Variants in SYCP2L observed in about 807,000 individuals in gnomAD.
SYCP2L encodes the protein synaptonemal complex protein 2-like.
In SYCP2L, 98 loss-of-function variants were observed where a neutral mutation model predicts 125.8. The observed-to-expected ratio is 0.78, with a 90% CI of 0.66 to 0.92. The LOEUF is 0.92. Ranked by LOEUF, SYCP2L falls within the 40% of genes least tolerant of loss-of-function variation. The pLI, the probability that SYCP2L is intolerant of heterozygous loss-of-function variation, is 0.00. For missense variants in SYCP2L, 842 were observed against 936.4 expected, an observed-to-expected ratio of 0.90 and a Z score of 1.32; for synonymous variants, 317 against 325.4, an observed-to-expected ratio of 0.97 and a Z score of 0.28.
chr6:10,910,396 T>A (rs919820695), intron 11 of SYCP2L, among the ~76,000 whole-genome samples, 196 bp downstream of exon 11: 4 of 152,224 alleles, frequency 2.6e-5, no homozygotes, highest in Non-Finnish European at 5.9e-5. Context: ...CGAGTGTGTT[T>A]AAAAATTACC....
In SYCP2L at chr6:10,927,884, G is replaced by A. The variant is rs186418008; in HGVS notation, c.1440+517G>A. 7.9e-4 allele frequency among the ~76,000 whole-genome samples: 120 copies of A among 152,182 alleles called. 1 individual carries two copies. The highest frequency in any genetic ancestry group is 2.7e-3 in the African/African-American group (111 of 41,522). Reference sequence around the variant, plus strand: ...GGCCATTTTAGAGGCCCACCCTCAGGGGCGCATTCTCTTTCTCAGGTATGT... The same window carrying A: ...GGCCATTTTAGAGGCCCACCCTCAGAGGCGCATTCTCTTTCTCAGGTATGT... On this transcript the variant is annotated intron_variant, in intron 17 of 29. Transcript: ENST00000283141.
chr6:10,903,085 T>C, intron 8 of SYCP2L, 122 bp downstream of exon 8: 1 of 791,936 alleles, frequency 1.3e-6, no homozygotes, highest in Admixed American at 2.4e-5. Flanking sequence ...AAATGCTTTG[T>C]GCACCTATTA....
intron 21 of SYCP2L, among the ~76,000 whole-genome samples, chr6:10,939,300 C>A (rs1182944672): frequency 6.6e-6 from 1 of 152,080 alleles, no homozygotes; most frequent in African/African-American, 2.4e-5. Context: ...TCCTTATTAT[C>A]CAAAGCAATA....
intron 15 of SYCP2L, 146 bp from the exon 16 acceptor site, chr6:10,926,193 A>G (rs1031696650): frequency 9.9e-6 from 6 of 608,158 alleles, no homozygotes; most frequent in African/African-American, 9.3e-5. Flanking sequence ...AAACAGTGGA[A>G]TGATCCTTCA....
chr6:10,910,134 C>T lies in SYCP2L; in HGVS notation c.820-14C>T, dbSNP rs1780579810. ...ATTTTTTTTTAATAAAAGTTTATAT[C>T]ATTTGCTTTGAAGGACAGTAGACGT... On this transcript the variant is annotated splice_polypyrimidine_tract_variant and intron_variant, in intron 10 of 29. Transcript: ENST00000283141. 6.2e-7 allele frequency: 1 copy of T among 1,609,804 alleles called. No homozygotes were observed. The highest frequency in any genetic ancestry group is 1.3e-5 in the African/African-American group (1 of 74,762).
At chr6:10,952,148 C>T (rs1004370603) in intron 23 of SYCP2L, among the ~76,000 whole-genome samples, 5 of 152,252 alleles carry the variant, frequency 3.3e-5, no homozygotes, top group Admixed American at 6.5e-5. Flanking sequence ...AATGTTGAAA[C>T]GTGCTAGTGA....
intron 14 of SYCP2L, among the ~76,000 whole-genome samples, chr6:10,918,687 C>CCAA (rs1561687089): frequency 4.6e-5 from 7 of 152,036 alleles, no homozygotes; most frequent in African/African-American, 1.7e-4. Flanking sequence ...CAGGCACGTG[C>CCAA]CACCATACCC....
Position 10,941,096 on chromosome 6 carries a change from C to T in SYCP2L, c.1814-1363C>T, listed in dbSNP as rs192370836. ...AGTGGTGCTGGGAAAATCGTCTAGCCGTATGTAGAAAGCTGAAACTGGATC... is the reference window on the plus strand; with the variant it reads ...AGTGGTGCTGGGAAAATCGTCTAGCTGTATGTAGAAAGCTGAAACTGGATC... On this transcript the variant is annotated intron_variant, in intron 21 of 29. Coordinates refer to ENST00000283141, the MANE Select transcript of SYCP2L (RefSeq NM_001040274.3). Among the ~76,000 whole-genome samples, 27 of 152,162 alleles carry T rather than the reference C, an allele frequency of 1.8e-4. No homozygotes were observed. The East Asian group carries it at 4.4e-3, about 25-fold the overall frequency.
intron 26 of SYCP2L, among the ~76,000 whole-genome samples, chr6:10,960,039 G>C (rs1173436931): frequency 1.3e-5 from 2 of 152,164 alleles, no homozygotes; most frequent in Admixed American, 6.5e-5. Context: ...GGTTTCTGTA[G>C]TGATTTGAGT....
intron 1 of SYCP2L, among the ~76,000 whole-genome samples, chr6:10,890,573 C>T (rs940456797): frequency 6.6e-6 from 1 of 151,910 alleles, no homozygotes; most frequent in African/African-American, 2.4e-5. Context: ...GTTTGAGTTC[C>T]CTGTATATTC....
chr6:10,919,847 G>A (rs1046578648), intron 14 of SYCP2L, among the ~76,000 whole-genome samples: 4 of 152,074 alleles, frequency 2.6e-5, no homozygotes, highest in Non-Finnish European at 5.9e-5. Context: ...GGTTGTCAGG[G>A]AAATGGGGAA....
intron 14 of SYCP2L, 108 bp from the exon 15 acceptor site, chr6:10,924,388 C>A: frequency 2.1e-6 from 2 of 936,432 alleles, no homozygotes; most frequent in South Asian, 2.6e-5. Flanking sequence ...CTTCTTAACA[C>A]AGAAAAATCT....
At position 10,955,099 on chromosome 6, in the gene SYCP2L, GCT is replaced by G; in HGVS notation, c.1955-14_1955-13del. 1 of 1,560,068 alleles carries G rather than the reference GCT, an allele frequency of 6.4e-7. No homozygotes were observed. Among genetic ancestry groups the G allele is most frequent in the East Asian group, 2.2e-5 (1 of 44,548 alleles). On this transcript the variant is annotated splice_polypyrimidine_tract_variant and intron_variant, in intron 23 of 29. Transcript: ENST00000283141. ...ATAATTTCGGGTCAAAAGGAAATGT[GCT>G]CTGTTTGCCTGTAGACATACCAGAA...
intron 23 of SYCP2L, 74 bp from the exon 24 acceptor site, chr6:10,955,042 A>C (rs1781477382): frequency 2.0e-6 from 2 of 1,009,028 alleles, no homozygotes; most frequent in Non-Finnish European, 3.1e-6. Context: ...TACTCTTCAC[A>C]GTAAGACATT....
chr6:10,959,717 A>G (rs902507866), intron 26 of SYCP2L, among the ~76,000 whole-genome samples: 6 of 152,066 alleles, frequency 3.9e-5, no homozygotes, highest in Non-Finnish European at 7.4e-5. Context: ...TAAAAATAAA[A>G]AATTAGCCAG....
intron 1 of SYCP2L, among the ~76,000 whole-genome samples, chr6:10,889,787 A>C (rs1780144389): frequency 6.6e-6 from 1 of 151,566 alleles, no homozygotes; most frequent in African/African-American, 2.4e-5. Flanking sequence ...TGCCCGGATA[A>C]TTTTCTATTT....
chr6:10,919,016 C>G (rs757647824), intron 14 of SYCP2L, among the ~76,000 whole-genome samples: 1 of 152,070 alleles, frequency 6.6e-6, no homozygotes, highest in Non-Finnish European at 1.5e-5. Context: ...TGGGCTTCAC[C>G]TTTCTCTGGT....
intron 10 of SYCP2L, among the ~76,000 whole-genome samples, 159 bp downstream of exon 10, chr6:10,907,843 G>T (rs1385962664): frequency 6.9e-6 from 1 of 145,734 alleles, no homozygotes; most frequent in Non-Finnish European, 1.5e-5. Flanking sequence ...AACAATTTGA[G>T]GGTAATATGA....
intron 25 of SYCP2L, 84 bp downstream of exon 25, chr6:10,956,326 C>A: frequency 1.0e-6 from 1 of 998,642 alleles, no homozygotes; most frequent in Non-Finnish European, 1.5e-6. Flanking sequence ...GACAGTACCA[C>A]ATGGTCTCAC....
Sources: gnomAD v4.1 joint callset for allele counts (sites outside exome capture counted in the v4.1 genomes callset) on GRCh38, gnomAD v4.1.1 for gene constraint, MANE v1.5 for transcripts, NCBI Gene and HGNC (gene_info 2026-07-23, HGNC 2026-07-21) for gene names.